The following OR56B2 variants were observed in gnomAD, a reference collection of about 807,000 sequenced individuals.
OR56B2 encodes the protein olfactory receptor family 56 subfamily B member 2, also known as olfactory receptor 56B2.
chr11:5,763,577 C>T, the OR56B2 span, among the ~76,000 whole-genome samples: 1 of 140,456 alleles, frequency 7.1e-6, no homozygotes, highest in Admixed American at 7.3e-5. Flanking sequence ...TCCCAAAGTG[C>T]TGGGATTACA....
the OR56B2 span, among the ~76,000 whole-genome samples, chr11:5,767,642 A>C: frequency 7.2e-6 from 1 of 139,744 alleles, no homozygotes; most frequent in African/African-American, 2.6e-5. Flanking sequence ...AAAATTGCTA[A>C]ATTTAACAAA....
At chr11:5,761,488 T>A in the OR56B2 span, among the ~76,000 whole-genome samples, 3 of 152,164 alleles carry the variant, frequency 2.0e-5, no homozygotes, top group African/African-American at 7.2e-5. Context: ...AATAAAAGTA[T>A]ATTACCACCA....
the OR56B2 span, among the ~76,000 whole-genome samples, chr11:5,764,052 C>T: frequency 4.8e-4 from 67 of 140,400 alleles, 12 homozygotes; most frequent in African/African-American, 1.7e-3. Flanking sequence ...TTTTAGCGCA[C>T]AAATTTTAAA....
chr11:5,767,538 T>A, the OR56B2 span: 2 of 139,600 alleles, frequency 1.4e-5, 1 homozygote, highest in African/African-American at 5.3e-5. Context: ...CTATAATAAT[T>A]ATTTTGCTGT....
the OR56B2 span, among the ~76,000 whole-genome samples, chr11:5,762,772 T>A: frequency 6.6e-6 from 1 of 151,960 alleles, no homozygotes; most frequent in East Asian, 1.9e-4. Flanking sequence ...CAAGAAAAAA[T>A]CTATATCACT....
the OR56B2 span, chr11:5,767,160 C>T: frequency 7.2e-6 from 1 of 139,680 alleles, no homozygotes; most frequent in Non-Finnish European, 1.6e-5. Flanking sequence ...GGAAAACAGA[C>T]ATGTGCAAAG....
the OR56B2 span, among the ~76,000 whole-genome samples, chr11:5,763,400 G>A: frequency 1.1e-5 from 1 of 93,488 alleles, no homozygotes; most frequent in Non-Finnish European, 2.4e-5. Flanking sequence ...CGCAACCTCC[G>A]CCTCCTGGGT....
At chr11:5,763,879 C>A in the OR56B2 span, among the ~76,000 whole-genome samples, 1 of 139,704 alleles carries the variant, frequency 7.2e-6, no homozygotes, top group African/African-American at 2.6e-5. Context: ...CAGTTAGACA[C>A]AATACAGTAT....
chr11:5,766,260 G>A, the OR56B2 span: 1 of 140,114 alleles, frequency 7.1e-6, no homozygotes, highest in African/African-American at 2.6e-5. Flanking sequence ...AAGGGTAACA[G>A]TGATGCTATT....
chr11:5,767,602 A>T, the OR56B2 span: 1 of 139,922 alleles, frequency 7.1e-6, no homozygotes, highest in African/African-American at 2.6e-5. Context: ...AATAAAACTT[A>T]TCTTACAAAA....
chr11:5,765,120 G>A, the OR56B2 span: 7 of 149,770 alleles, frequency 4.7e-5, 1 homozygote, highest in Admixed American at 1.5e-4. Context: ...GGAGCTCAGA[G>A]ATTCCAACAG....
the OR56B2 span, among the ~76,000 whole-genome samples, chr11:5,762,653 A>C: frequency 6.6e-6 from 1 of 152,100 alleles, no homozygotes; most frequent in South Asian, 2.1e-4. Context: ...TGTACATTTC[A>C]AAATAGCTGG....
the OR56B2 span, among the ~76,000 whole-genome samples, chr11:5,767,895 G>C: frequency 8.6e-5 from 12 of 138,992 alleles, 2 homozygotes; most frequent in Admixed American, 4.5e-4. Flanking sequence ...TTAGTTGTTA[G>C]TAGGGAATGG....
the OR56B2 span, chr11:5,765,321 A>G: frequency 0.049 from 6,910 of 141,438 alleles, 1,461 homozygotes; most frequent in African/African-American, 0.17. Context: ...CATCTTGGCT[A>G]TGGCAGACAT....
chr11:5,762,355 C>T, the OR56B2 span, among the ~76,000 whole-genome samples: 65 of 152,056 alleles, frequency 4.3e-4, no homozygotes, highest in East Asian at 0.01. Flanking sequence ...TCGTTTAATG[C>T]CCTTGCTAAA....
chr11:5,768,154 T>C, the OR56B2 span, among the ~76,000 whole-genome samples: 3 of 138,524 alleles, frequency 2.2e-5, 1 homozygote, highest in Non-Finnish European at 4.8e-5. Context: ...GTACCCACCA[T>C]AGTGGGTACC....
At chr11:5,768,902 A>T in the OR56B2 span, among the ~76,000 whole-genome samples, 16 of 135,958 alleles carry the variant, frequency 1.2e-4, 1 homozygote, top group Non-Finnish European at 1.8e-4. Context: ...TTAAAATTTG[A>T]TGTTATCCAA....
At chr11:5,764,590 C>A in the OR56B2 span, among the ~76,000 whole-genome samples, 3 of 140,048 alleles carry the variant, frequency 2.1e-5, 1 homozygote, top group African/African-American at 7.8e-5. Context: ...TAATATACAT[C>A]AATACTTCAT....
chr11:5,762,904 C>A, the OR56B2 span, among the ~76,000 whole-genome samples: 1 of 151,960 alleles, frequency 6.6e-6, no homozygotes, highest in South Asian at 2.1e-4. Context: ...TCAGGCTAGT[C>A]ACAAATACTA....
Sources: gnomAD v4.1 joint callset for allele counts (sites outside exome capture counted in the v4.1 genomes callset) on GRCh38, gnomAD v4.1.1 for gene constraint, MANE v1.5 for transcripts, NCBI Gene and HGNC (gene_info 2026-07-23, HGNC 2026-07-21) for gene names.